The following MET variants were observed in gnomAD, a reference collection of about 807,000 sequenced individuals.
The protein encoded by MET is hepatocyte growth factor receptor.
A neutral mutation model predicts 133.1 loss-of-function variants in MET; 48 were observed. The observed-to-expected ratio is 0.36, with a 90% CI of 0.29 to 0.46. The LOEUF (loss-of-function observed/expected upper bound fraction) is 0.46. MET is among the 20% of genes least tolerant of loss of function. The pLI is 1.00. For missense variants in MET, 1,442 were observed against 1,695.9 expected, an observed-to-expected ratio of 0.85 and a Z score of 2.63; for synonymous variants, 628 against 616.5, an observed-to-expected ratio of 1.02 and a Z score of -0.28.
chr7:116,757,085 T>G (rs1794206444), intron 6 of MET, among the ~76,000 whole-genome samples: 1 of 152,048 alleles, frequency 6.6e-6, no homozygotes, highest in African/African-American at 2.4e-5. Flanking sequence ...AAAAAAATTT[T>G]TTTTTAATTA....
Position 116,792,819 on chromosome 7 carries a change from A to C in MET, c.3799-2836A>C, listed in dbSNP as rs373710761. On this transcript the variant is annotated intron_variant, in intron 19 of 20. Coordinates refer to ENST00000397752, the MANE Select transcript of MET (RefSeq NM_000245.4). ...TCAGATAGGGAGACCTGATCACAGA[A>C]CTTTGGCTTCCTCATCCTAAAATAA... Among the ~76,000 whole-genome samples, 7 of 152,356 alleles carry C rather than the reference A, an allele frequency of 4.6e-5. No homozygotes were observed. In the East Asian group the frequency reaches 1.2e-3, roughly 25 times the overall value.
rs1270863054 is a variant in MET, at chr7:116,795,645, G to A, written c.3799-10G>A. 2 of 1,613,382 alleles carry A rather than the reference G, an allele frequency of 1.2e-6. No individual in the cohort carries two copies. Among genetic ancestry groups the A allele is most frequent in the Non-Finnish European group, 1.7e-6 (2 of 1,179,962 alleles). On this transcript the variant is annotated splice_polypyrimidine_tract_variant and intron_variant, in intron 19 of 20. Coordinates refer to ENST00000397752, the MANE Select transcript of MET (RefSeq NM_000245.4). ...TCTCACCTCATCTGTCCTGTTTCTTGTTTTACTAGTGGTCCTTTGGCGTGC... is the reference window on the plus strand; with the variant it reads ...TCTCACCTCATCTGTCCTGTTTCTTATTTTACTAGTGGTCCTTTGGCGTGC...
rs1307584609 is a variant in MET, at chr7:116,763,159, G to A, written c.2474G>A (p.Gly825Glu). 6.2e-7 allele frequency: 1 copy of A among 1,613,874 alleles called. No homozygotes were observed. The highest frequency in any genetic ancestry group is 8.5e-7 in the Non-Finnish European group (1 of 1,179,948). Residue 825 changes from glycine (G) to glutamate (E), a missense_variant, in exon 11 of 21, where the codon GGG becomes GAG. Coordinates refer to ENST00000397752, the MANE Select transcript of MET (RefSeq NM_000245.4). Reference sequence around the variant, plus strand: ...ACCAAAGCCTTTTTCATGTTAGATGGGATCCTTTCCAAATACTTTGATCTC... The same window carrying A: ...ACCAAAGCCTTTTTCATGTTAGATGAGATCCTTTCCAAATACTTTGATCTC... ...LKTKAFFMLDGILSKYFDLIY... is the reference protein window; with the variant it reads ...LKTKAFFMLDEILSKYFDLIY...
intron 2 of MET, chr7:116,724,707 G>A (rs1792670007): frequency 1.3e-6 from 1 of 752,044 alleles, no homozygotes; most frequent in African/African-American, 1.8e-5. Context: ...GGAAGCTTTT[G>A]GAAGCCACCC....
Position 116,699,609 on chromosome 7 carries a change from T to C in MET, c.525T>C (p.Cys175=). ...AAGAGCCCAGCCAGTGTCCTGACTG[T>C]GTGGTGAGCGCCCTGGGAGCCAAAG... is the stretch of plus-strand genomic sequence containing the variant. ...QIEEPSQCPD[C]VVSALGAKVL... is the part of the protein sequence containing the mutation. The change falls in exon 2 of 21, where the codon TGT becomes TGC. Residue 175 remains cysteine (C), a synonymous_variant. Transcript: ENST00000397752. 2.5e-6 allele frequency: 4 copies of C among 1,613,990 alleles called. No homozygotes were observed. Among genetic ancestry groups the C allele is most frequent in the Non-Finnish European group, 3.4e-6 (4 of 1,179,944 alleles).
chr7:116,704,220 T>G (rs1193393702), intron 2 of MET, among the ~76,000 whole-genome samples: 1 of 151,990 alleles, frequency 6.6e-6, no homozygotes, highest in Non-Finnish European at 1.5e-5. Context: ...ATAATATATA[T>G]GAGGTACCTG....
At chr7:116,784,367 G>A (rs753836275) in intron 19 of MET, among the ~76,000 whole-genome samples, 9 of 152,128 alleles carry the variant, frequency 5.9e-5, no homozygotes, top group Non-Finnish European at 8.8e-5. Context: ...GTATTAGTCC[G>A]TTCTCACACT....
chr7:116,755,891 G>T (rs1473383342), intron 6 of MET, among the ~76,000 whole-genome samples: 1 of 152,154 alleles, frequency 6.6e-6, no homozygotes, highest in Non-Finnish European at 1.5e-5. Context: ...TCAGTAAACA[G>T]CTCAGCATGG....
At chr7:116,738,056 T>C (rs1793291465) in intron 3 of MET, among the ~76,000 whole-genome samples, 1 of 152,188 alleles carries the variant, frequency 6.6e-6, no homozygotes, top group Non-Finnish European at 1.5e-5. Context: ...TGAATAATCT[T>C]CAGTGAAGTG....
At chr7:116,748,358 T>C (rs1345272234) in intron 5 of MET, among the ~76,000 whole-genome samples, 1 of 152,176 alleles carries the variant, frequency 6.6e-6, no homozygotes, top group Non-Finnish European at 1.5e-5. Context: ...AACTGGTACA[T>C]TTGTTATTTT....
intron 5 of MET, among the ~76,000 whole-genome samples, chr7:116,754,891 G>GAA (rs1562919386): frequency 3.2e-4 from 38 of 117,638 alleles, no homozygotes; most frequent in Middle Eastern, 3.9e-3. Context: ...GAGAGAGAAA[G>GAA]AGAGAAAGAA....
Position 116,699,250 on chromosome 7 carries a change from A to T in MET, c.166A>T (p.Ile56Phe), listed in dbSNP as rs746806941. 1 of 1,614,004 alleles carries T rather than the reference A, an allele frequency of 6.2e-7. No homozygotes were observed. The highest frequency in any genetic ancestry group is 1.1e-5 in the South Asian group (1 of 91,078). ...CGCGGAAACACCCATCCAGAATGTC[A>T]TTCTACATGAGCATCACATTTTCCT... is the stretch of plus-strand genomic sequence containing the variant. ...FTAETPIQNV[I>F]LHEHHIFLGA... The change falls in exon 2 of 21, where the codon ATT (isoleucine) becomes TTT (phenylalanine). Residue 56 changes from isoleucine (I) to phenylalanine (F), a missense_variant. Coordinates refer to ENST00000397752, the MANE Select transcript of MET (RefSeq NM_000245.4).
chr7:116,680,969 A>C (rs1221167966), intron 1 of MET, among the ~76,000 whole-genome samples: 2 of 152,010 alleles, frequency 1.3e-5, no homozygotes, highest in Non-Finnish European at 2.9e-5. Context: ...GAGGGTATGG[A>C]ATAAAGTAAA....
chr7:116,740,167 A>C, intron 4 of MET, 83 bp downstream of exon 4: 3 of 1,491,474 alleles, frequency 2.0e-6, no homozygotes, highest in Non-Finnish European at 2.8e-6. Flanking sequence ...GGCCCTTTAT[A>C]ATGTCTCTCT....
chr7:116,699,647 T>C lies in MET; in HGVS notation c.563T>C (p.Val188Ala). Residue 188 changes from valine (V) to alanine (A), a missense_variant, in exon 2 of 21, where the codon GTA (valine) becomes GCA (alanine). Coordinates refer to ENST00000397752, the MANE Select transcript of MET (RefSeq NM_000245.4). Reference protein sequence around the residue: ...SALGAKVLSSVKDRFINFFVG... With the variant: ...SALGAKVLSSAKDRFINFFVG... ...CTGGGAGCCAAAGTCCTTTCATCTG[T>C]AAAGGACCGGTTCATCAACTTCTTT... The C allele has an allele frequency of 1.9e-6, 3 of 1,613,996 alleles. No individual in the cohort carries two copies. The highest frequency in any genetic ancestry group is 2.5e-6 in the Non-Finnish European group (3 of 1,179,966).
intron 1 of MET, among the ~76,000 whole-genome samples, chr7:116,682,138 A>G (rs1471297164): frequency 6.6e-6 from 1 of 151,650 alleles, no homozygotes; most frequent in South Asian, 2.1e-4. Flanking sequence ...AGAACTTACC[A>G]AAAAAAAATT....
intron 5 of MET, among the ~76,000 whole-genome samples, chr7:116,743,760 G>T (rs774972566): frequency 6.6e-5 from 10 of 152,228 alleles, no homozygotes; most frequent in Non-Finnish European, 1.0e-4. Flanking sequence ...CCCAGCAGGG[G>T]TCGACAGACA....
intron 11 of MET, 147 bp from the exon 12 acceptor site, chr7:116,769,498 T>C (rs1444047447): frequency 2.1e-6 from 2 of 961,020 alleles, no homozygotes; most frequent in African/African-American, 3.3e-5. Context: ...GCCATCCCAA[T>C]TCCCATGAAA....
At chr7:116,725,034 ATTC>A (rs1792686495) in intron 2 of MET, among the ~76,000 whole-genome samples, 1 of 152,224 alleles carries the variant, frequency 6.6e-6, no homozygotes, top group Non-Finnish European at 1.5e-5. Flanking sequence ...GGGCATGCTC[ATTC>A]TTCTTTTAGA....
Sources: gnomAD v4.1 joint callset for allele counts (sites outside exome capture counted in the v4.1 genomes callset) on GRCh38, gnomAD v4.1.1 for gene constraint, MANE v1.5 for transcripts, NCBI Gene and HGNC (gene_info 2026-07-23, HGNC 2026-07-21) for gene names.